Variants in CPNE3 observed in about 807,000 individuals in gnomAD.
The protein encoded by CPNE3 is copine-3.
A neutral mutation model predicts 63.9 loss-of-function variants in CPNE3; 68 were observed. The ratio of observed to expected loss-of-function variants is 1.06; its 90% CI spans 0.87 to 1.30. The LOEUF (loss-of-function observed/expected upper bound fraction) is 1.30, where lower values mean the gene tolerates loss of function less well. Ranked by LOEUF, CPNE3 falls within the 50% of genes most tolerant of loss-of-function variation. The pLI is 0.00. For synonymous variants in CPNE3, 219 were observed against 197.5 expected (o/e 1.11, Z -0.91); for missense variants, 665 against 578.1 (o/e 1.15, Z -1.54).
chr8:86,542,155 A>G lies in CPNE3; in HGVS notation c.633+1821A>G, dbSNP rs536080882. Among the ~76,000 whole-genome samples the G allele has an allele frequency of 7.5e-4, 114 of 152,358 alleles. 1 individual carries two copies. The highest frequency in any genetic ancestry group is 1.5e-3 in the Non-Finnish European group (100 of 68,036). Reference sequence around the variant, plus strand: ...TTTCTTGGTTTGTTTTTAACTATACACAACTTGGTTTGCTACGTCATCACT... The same window carrying G: ...TTTCTTGGTTTGTTTTTAACTATACGCAACTTGGTTTGCTACGTCATCACT... On this transcript the variant is annotated intron_variant, in intron 8 of 16. Coordinates refer to ENST00000517490, the MANE Select transcript of CPNE3 (RefSeq NM_003909.5).
chr8:86,527,639 T>C (rs7461624), intron 2 of CPNE3, among the ~76,000 whole-genome samples: 47,290 of 151,968 alleles, frequency 0.31, 8,893 homozygotes, highest in Middle Eastern at 0.45. Context: ...TAAGTGGAAC[T>C]CCTGCATCAG....
chr8:86,519,524 T>A (rs1820385974), intron 2 of CPNE3, among the ~76,000 whole-genome samples: 1 of 152,330 alleles, frequency 6.6e-6, no homozygotes, highest in Non-Finnish European at 1.5e-5. Flanking sequence ...TGATAGATGC[T>A]AAGAGCTTAA....
chr8:86,536,996 A>G (rs1193156535), intron 6 of CPNE3, among the ~76,000 whole-genome samples: 6 of 152,222 alleles, frequency 3.9e-5, no homozygotes, highest in Admixed American at 1.3e-4. Context: ...TATGTGTTCC[A>G]CATATCTACC....
At chr8:86,537,719 T>C in intron 7 of CPNE3, 73 bp downstream of exon 7, 1 of 887,076 alleles carries the variant, frequency 1.1e-6, no homozygotes, top group South Asian at 1.4e-5. Context: ...TTAAAAAGCT[T>C]ATATTTATAA....
intron 15 of CPNE3, among the ~76,000 whole-genome samples, chr8:86,555,280 A>G (rs1228305238): frequency 6.6e-6 from 1 of 152,190 alleles, no homozygotes; most frequent in Admixed American, 6.6e-5. Context: ...AGTAGACATA[A>G]CAAATTAAGC....
chr8:86,536,725 C>T (rs9650129), intron 6 of CPNE3, among the ~76,000 whole-genome samples: 1 of 151,940 alleles, frequency 6.6e-6, no homozygotes, highest in Non-Finnish European at 1.5e-5. Flanking sequence ...TAAATGTTAA[C>T]GAGTATGCAC....
At position 86,551,277 on chromosome 8, in the gene CPNE3, C is replaced by T. The variant is rs369056029; in HGVS notation, c.1120+43C>T. The T allele has an allele frequency of 2.6e-5, 33 of 1,280,824 alleles. No individual in the cohort carries two copies. In the African/African-American group the frequency reaches 4.1e-4, roughly 16 times the overall value. 79.3% of individuals were successfully genotyped at this position (1,280,824 alleles called of 1,614,324 possible). A position where few individuals can be genotyped will look rare whatever the true frequency, so the allele number is the denominator to read the frequency against. On this transcript the variant is annotated intron_variant, in intron 14 of 16. Transcript: ENST00000517490. ...CATGAAGACTTCAAATGGAAAGGCT[C>T]ACTAGTCTTTGTTATTTTGTTCTTT...
chr8:86,520,037 T>C (rs911051937), intron 2 of CPNE3, among the ~76,000 whole-genome samples: 2 of 151,998 alleles, frequency 1.3e-5, no homozygotes, highest in Non-Finnish European at 2.9e-5. Context: ...TTGATAGAGA[T>C]GGAGACTGAG....
intron 8 of CPNE3, among the ~76,000 whole-genome samples, chr8:86,543,243 A>C (rs752620130): frequency 1.3e-5 from 2 of 152,154 alleles, no homozygotes; most frequent in Non-Finnish European, 2.9e-5. Context: ...GTCAGTGGCC[A>C]AAATGCCTGC....
rs192441994 is a variant in CPNE3, at chr8:86,560,386, G to A, written c.*1976G>A. Reference sequence around the variant, plus strand: ...GAAGTGAGCTTATCTGTTTGATGCTGTGGCAGGGTCCCAGTCACTGGGCAT... The same window carrying A: ...GAAGTGAGCTTATCTGTTTGATGCTATGGCAGGGTCCCAGTCACTGGGCAT... On this transcript the variant is annotated 3_prime_UTR_variant, in exon 17 of 17. Transcript: ENST00000517490. 4 of 152,262 alleles carry A rather than the reference G, an allele frequency of 2.6e-5. No homozygotes were observed. In the East Asian group the frequency reaches 7.7e-4, roughly 29 times the overall value. 9.4% of individuals were successfully genotyped at this position (152,262 alleles called of 1,614,324 possible). A position where few individuals can be genotyped will look rare whatever the true frequency, so the allele number is the denominator to read the frequency against.
rs1821380925 is a variant in CPNE3, at chr8:86,559,004, C to T, written c.*594C>T. The T allele has an allele frequency of 6.6e-6, 1 of 152,160 alleles. No homozygotes were observed. The highest frequency in any genetic ancestry group is 2.1e-4 in the South Asian group (1 of 4,832). The allele number at this position is 152,160 out of a possible 1,614,324, so 9.4% of individuals were successfully genotyped here. A position where few individuals can be genotyped will look rare whatever the true frequency, so the allele number is the denominator to read the frequency against. On this transcript the variant is annotated 3_prime_UTR_variant, in exon 17 of 17. Transcript: ENST00000517490. ...TCAACTTGGGACTTTATGAAAAGTA[C>T]TGAATGAGCAGGAAAAGGCACATAC...
chr8:86,538,006 C>G (rs1364584795), intron 7 of CPNE3, among the ~76,000 whole-genome samples: 1 of 151,806 alleles, frequency 6.6e-6, no homozygotes, highest in Admixed American at 6.6e-5. Flanking sequence ...CACACACACA[C>G]ACTTATGCAC....
At chr8:86,540,194 T>C in intron 7 of CPNE3, 51 bp from the exon 8 acceptor site, 1 of 1,121,852 alleles carries the variant, frequency 8.9e-7, no homozygotes, top group Non-Finnish European at 1.4e-6. Context: ...GAGCAAAATG[T>C]TAATGAACTG....
intron 6 of CPNE3, among the ~76,000 whole-genome samples, chr8:86,533,025 TATC>T (rs1475109290): frequency 5.0e-5 from 2 of 39,906 alleles, no homozygotes; most frequent in Non-Finnish European, 1.1e-4. Flanking sequence ...TTATCTATCT[TATC>T]TATCTATCTA....
At chr8:86,534,493 TA>T (rs1470881825) in intron 6 of CPNE3, among the ~76,000 whole-genome samples, 1 of 152,044 alleles carries the variant, frequency 6.6e-6, no homozygotes, top group Non-Finnish European at 1.5e-5. Flanking sequence ...CCATCTCTAC[TA>T]AAAATAGAAA....
intron 7 of CPNE3, among the ~76,000 whole-genome samples, chr8:86,538,542 GTTTTGC>G (rs1169766270): frequency 1.3e-5 from 2 of 152,024 alleles, no homozygotes; most frequent in Non-Finnish European, 2.9e-5. Context: ...TGTGTATTTT[GTTTTGC>G]TTTGTTTTGT....
intron 8 of CPNE3, among the ~76,000 whole-genome samples, chr8:86,542,534 G>A (rs1820962966): frequency 6.6e-6 from 1 of 151,428 alleles, no homozygotes; most frequent in Non-Finnish European, 1.5e-5. Flanking sequence ...TGTTTATTAT[G>A]TATACTATAT....
chr8:86,549,623 T>C (rs1452876857), intron 12 of CPNE3, among the ~76,000 whole-genome samples: 1 of 152,174 alleles, frequency 6.6e-6, no homozygotes, highest in Admixed American at 6.5e-5. Flanking sequence ...ACTGCTGAAA[T>C]AGACACCCAA....
chr8:86,547,771 G>GT lies in CPNE3; in HGVS notation c.879+2dup, dbSNP rs1821086160. ...GGGAGGATGTCAGCTGAATTTTACTGTAAGTAACACACTGAATTTTTCAGC... is the reference window on the plus strand; with the variant it reads ...GGGAGGATGTCAGCTGAATTTTACTGTTAAGTAACACACTGAATTTTTCAGC... On this transcript the variant is annotated splice_donor_variant, in intron 11 of 16. Transcript: ENST00000517490. LOFTEE classifies it high-confidence loss of function. The GT allele has an allele frequency of 5.5e-6, 7 of 1,275,930 alleles. No homozygotes were observed. The East Asian group carries it at 1.6e-4, about 29-fold the overall frequency. 79.0% of individuals were successfully genotyped at this position (1,275,930 alleles called of 1,614,324 possible).
Sources: gnomAD v4.1 joint callset for allele counts (sites outside exome capture counted in the v4.1 genomes callset) on GRCh38, gnomAD v4.1.1 for gene constraint, MANE v1.5 for transcripts, NCBI Gene and HGNC (gene_info 2026-07-23, HGNC 2026-07-21) for gene names.